Variants in BET1 observed in about 807,000 individuals in gnomAD.
BET1 encodes BET1 homolog.
A neutral mutation model predicts 13.9 loss-of-function variants in BET1; 9 were observed. The observed-to-expected ratio is 0.65, with a 90% CI of 0.39 to 1.13. The LOEUF (loss-of-function observed/expected upper bound fraction) is 1.13, where lower values mean the gene tolerates loss of function less well. BET1 is among the 50% of genes most tolerant of loss of function. The pLI is 0.01. For missense variants in BET1, 127 were observed against 133.6 expected, an observed-to-expected ratio of 0.95 and a Z score of 0.24; for synonymous variants, 39 against 47.3, an observed-to-expected ratio of 0.82 and a Z score of 0.72.
intron 4 of BET1, among the ~76,000 whole-genome samples, chr7:93,983,753 T>C (rs748274223): frequency 3.3e-5 from 5 of 152,074 alleles, no homozygotes; most frequent in Non-Finnish European, 7.4e-5. Flanking sequence ...CAGTCATGCA[T>C]TGCAAAAAAG....
At chr7:93,989,886 A>G (rs7804271), downstream of BET1, among the ~76,000 whole-genome samples, 76,553 of 152,034 alleles carry the variant, frequency 0.5, 20,961 homozygotes, top group African/African-American at 0.73. Flanking sequence ...GAGTTTAAGG[A>G]AGCTGACTAG....
intron 1 of BET1, 101 bp from the exon 2 acceptor site, chr7:93,999,395 C>A: frequency 2.2e-6 from 3 of 1,385,830 alleles, no homozygotes; most frequent in South Asian, 1.5e-5. Flanking sequence ...GCCTTGCAAA[C>A]CACATATGTC....
downstream of BET1, chr7:93,992,994 A>C: frequency 1.0e-6 from 1 of 985,306 alleles, no homozygotes; most frequent in Non-Finnish European, 1.2e-6. Context: ...GAAAAAATAG[A>C]ACCCAAACTG....
intron 6 of BET1, among the ~76,000 whole-genome samples, chr7:93,968,204 T>C (rs894250207): frequency 7.2e-5 from 11 of 151,858 alleles, no homozygotes; most frequent in Admixed American, 3.9e-4. Context: ...AAGTCTTCAA[T>C]TATTTTTAGA....
chr7:93,997,543 A>G (rs1795799785), intron 2 of BET1, among the ~76,000 whole-genome samples: 1 of 152,186 alleles, frequency 6.6e-6, no homozygotes, highest in African/African-American at 2.4e-5. Flanking sequence ...TAGTTCATAA[A>G]TCAACTTTAG....
chr7:93,980,723 A>G (rs878913418), intron 4 of BET1, among the ~76,000 whole-genome samples: 1 of 152,168 alleles, frequency 6.6e-6, no homozygotes, highest in Admixed American at 6.5e-5. Context: ...GATACCCACC[A>G]TCGCCACTTC....
chr7:93,981,271 C>G (rs1039769670), intron 4 of BET1, among the ~76,000 whole-genome samples: 2 of 152,102 alleles, frequency 1.3e-5, no homozygotes, highest in Non-Finnish European at 2.9e-5. Context: ...CTGGGAAATC[C>G]CTCAGTCCTC....
chr7:93,970,104 A>G (rs544817904), intron 6 of BET1, among the ~76,000 whole-genome samples: 2 of 152,012 alleles, frequency 1.3e-5, no homozygotes, highest in Non-Finnish European at 2.9e-5. Context: ...GTGTTACATT[A>G]GAGTATTTGC....
At chr7:93,976,563 A>C (rs1032621078) in intron 4 of BET1, among the ~76,000 whole-genome samples, 15 of 152,132 alleles carry the variant, frequency 9.9e-5, no homozygotes, top group South Asian at 2.1e-4. Context: ...AAAAAATGTA[A>C]TTTTATTGTT....
chr7:93,993,148 T>C (rs954906779), downstream of BET1: 10 of 984,508 alleles, frequency 1.0e-5, no homozygotes, highest in Admixed American at 6.1e-5. Flanking sequence ...GTTCCAACAA[T>C]ACAAATATTA....
chr7:93,998,943 A>T (rs1795831905), intron 2 of BET1, among the ~76,000 whole-genome samples: 1 of 152,270 alleles, frequency 6.6e-6, no homozygotes, highest in East Asian at 1.9e-4. Flanking sequence ...TACAAAAAAG[A>T]GCTGGAGATT....
At chr7:93,989,395 T>A (rs187213435), downstream of BET1, among the ~76,000 whole-genome samples, 2,262 of 151,770 alleles carry the variant, frequency 0.015, 29 homozygotes, top group Non-Finnish European at 0.022. Context: ...GTTTCTTTTT[T>A]AAAAAAAAAT....
chr7:93,992,019 G>T (rs1227136831), downstream of BET1: 1 of 985,250 alleles, frequency 1.0e-6, no homozygotes, highest in African/African-American at 1.7e-5. Context: ...TGCTTAAAAT[G>T]TTGCATATTT....
chr7:93,970,249 C>T (rs983104062), intron 6 of BET1, among the ~76,000 whole-genome samples: 2 of 151,738 alleles, frequency 1.3e-5, no homozygotes, highest in African/African-American at 4.8e-5. Context: ...TAATTAAATA[C>T]TAGCAGAAAA....
intron 6 of BET1, among the ~76,000 whole-genome samples, chr7:93,969,273 G>A (rs1795223244): frequency 1.3e-5 from 2 of 151,754 alleles, no homozygotes; most frequent in African/African-American, 4.8e-5. Flanking sequence ...TCTGACTTTT[G>A]AGTTCATTTA....
rs948435239 is a variant in BET1 at position 93,978,907 on chromosome 7, A to G, written c.236-2807T>C. ...AAGAAGTATAGCTGGTCATGGTTCA[A>G]GAGCACCCAATCACTGGAGCTGCCA... On this transcript the variant is annotated intron_variant and NMD_transcript_variant, in intron 4 of 6. Coordinates refer to the BET1 transcript ENST00000357520. Among the ~76,000 whole-genome samples, 3 of 152,208 alleles carry G rather than the reference A, an allele frequency of 2.0e-5. No individual in the cohort carries two copies. The East Asian group carries it at 5.8e-4, about 29-fold the overall frequency.
chr7:93,967,432 A>C (rs1018530567), intron 6 of BET1, among the ~76,000 whole-genome samples: 1 of 151,812 alleles, frequency 6.6e-6, no homozygotes. Flanking sequence ...CATCAACTTT[A>C]GTTGTGAAAT....
intron 4 of BET1, among the ~76,000 whole-genome samples, chr7:93,983,774 GA>G (rs1280855773): frequency 1.3e-5 from 2 of 152,066 alleles, no homozygotes; most frequent in Non-Finnish European, 2.9e-5. Flanking sequence ...AAAAAAAAAG[GA>G]AAAGAAATAA....
At chr7:93,983,171 G>T (rs1433178111) in intron 4 of BET1, among the ~76,000 whole-genome samples, 1 of 152,100 alleles carries the variant, frequency 6.6e-6, no homozygotes, top group African/African-American at 2.4e-5. Flanking sequence ...GATTATTTTT[G>T]ACCTGTCATT....
Sources: allele counts gnomAD v4.1 joint callset (sites outside exome capture counted in the v4.1 genomes callset), GRCh38; gene constraint gnomAD v4.1.1; transcripts MANE v1.5; gene names NCBI Gene and HGNC (gene_info 2026-07-23, HGNC 2026-07-21).